ZNF799: variants seen among roughly 807,000 people sequenced by gnomAD.
The protein encoded by ZNF799 is zinc finger protein 799.
Under a neutral mutation model 41.0 loss-of-function variants are expected in ZNF799, and 28 were observed. The ratio of observed to expected loss-of-function variants is 0.68; its 90% CI spans 0.51 to 0.94. The LOEUF is 0.94. Among genes scored for constraint, ZNF799 ranks in the 40% least tolerant of loss-of-function variants. ZNF799 has a pLI of 0.00. For synonymous variants in ZNF799, 213 were observed against 252.9 expected, an observed-to-expected ratio of 0.84 and a Z score of 1.50; for missense variants, 716 against 764.3, an observed-to-expected ratio of 0.94 and a Z score of 0.74.
At chr19:12,393,689 C>A in intron 1 of ZNF799, 1 of 1,297,988 alleles carries the variant, frequency 7.7e-7, no homozygotes, top group South Asian at 1.6e-5. Context: ...TAGCCTGGAT[C>A]ACCCCTAATG....
intron 1 of ZNF799, chr19:12,400,356 G>A (rs1477685635): frequency 6.6e-6 from 1 of 152,350 alleles, no homozygotes; most frequent in African/African-American, 2.4e-5. Flanking sequence ...CAGGCTGGAG[G>A]CGAGATTGCA....
rs1169052960 is a variant in ZNF799, at chr19:12,395,434, G to A, written c.4-2011C>T. ...TAGGATTACAGGTGTGAGCCACAGT[G>A]CCCAGCCAAGGCCCTCTCTTCTACT... On this transcript the variant is annotated intron_variant, in intron 1 of 3. Coordinates refer to ENST00000430385, the MANE Select transcript of ZNF799 (RefSeq NM_001080821.3). Among the ~76,000 whole-genome samples the A allele has an allele frequency of 7.9e-5, 12 of 151,560 alleles. No individual in the cohort carries two copies. The South Asian group carries it at 8.4e-4, about 11-fold the overall frequency.
Position 12,399,063 on chromosome 19 carries a change from C to T in ZNF799, c.3+2005G>A, listed in dbSNP as rs548116508. ...TCTTCAAAGTATACAATAACAATCTCTAATCATAGGATGTATTTTAAGGTT... is the reference window on the plus strand; with the variant it reads ...TCTTCAAAGTATACAATAACAATCTTTAATCATAGGATGTATTTTAAGGTT... On this transcript the variant is annotated intron_variant, in intron 1 of 3. Transcript: ENST00000430385. 6.6e-5 allele frequency among the ~76,000 whole-genome samples: 10 copies of T among 152,320 alleles called. No homozygotes were observed. In the South Asian group the frequency reaches 1.9e-3, roughly 28 times the overall value.
chr19:12,397,076 T>C (rs1339346168), intron 1 of ZNF799, among the ~76,000 whole-genome samples: 1 of 152,230 alleles, frequency 6.6e-6, no homozygotes, highest in Non-Finnish European at 1.5e-5. Flanking sequence ...AACAATGTAT[T>C]GGGTGGTTAT....
chr19:12,401,653 G>A (rs1401980894), upstream of ZNF799, among the ~76,000 whole-genome samples: 4 of 129,854 alleles, frequency 3.1e-5, no homozygotes, highest in South Asian at 5.2e-4. Context: ...GGCTCACTGC[G>A]ACCTCCGCCT....
At chr19:12,409,720 T>C in the ZNF799 span, among the ~76,000 whole-genome samples, 1 of 152,162 alleles carries the variant, frequency 6.6e-6, no homozygotes, top group Admixed American at 6.5e-5. Flanking sequence ...TTAGAATTAA[T>C]CTAGAAACCA....
Position 12,390,988 on chromosome 19 carries a change from A to G in ZNF799, c.1410T>C (p.His470=), listed in dbSNP as rs201486273. The change falls in exon 4 of 4, where the codon CAT becomes CAC. Residue 470 remains histidine, a synonymous_variant. Transcript: ENST00000430385. ...TACACTCATATGGCTTCTCTCCAGC[A>G]TGAGTTGTTTTGTGATTTTGAAAGG... is the stretch of plus-strand genomic sequence containing the variant. ...FYSFQNHKTT[H]AGEKPYECKE... is the part of the protein sequence containing the mutation. 2.7e-4 allele frequency: 433 copies of G among 1,614,094 alleles called. 2 individuals are homozygous for G. The highest frequency in any genetic ancestry group is 1.9e-3 in the South Asian group (175 of 91,074).
upstream of ZNF799, chr19:12,401,383 G>C (rs1391834190): frequency 1.5e-6 from 1 of 676,158 alleles, no homozygotes; most frequent in Non-Finnish European, 2.3e-6. Flanking sequence ...AGCCAGATGA[G>C]CAAGTTCCTG....
upstream of ZNF799, among the ~76,000 whole-genome samples, chr19:12,404,326 T>C (rs188137607): frequency 6.6e-6 from 1 of 152,364 alleles, no homozygotes; most frequent in African/African-American, 2.4e-5. Flanking sequence ...TTTCAGTATA[T>C]ATTGAGATAA....
chr19:12,391,787 T>G lies in ZNF799; in HGVS notation c.611A>C (p.Lys204Thr). 1 of 1,614,166 alleles carries G rather than the reference T, an allele frequency of 6.2e-7. No individual in the cohort carries two copies. The highest frequency in any genetic ancestry group is 8.5e-7 in the Non-Finnish European group (1 of 1,180,012). The part of the protein sequence containing the change: ...DGPYKCKLCG[K>T]AFFWPSLLHM... Reference sequence around the variant, plus strand: ...TAATAAACTGGGCCAAAAAAACGCTTTCCCACACAACTTACATTTATAAGG... The same window carrying G: ...TAATAAACTGGGCCAAAAAAACGCTGTCCCACACAACTTACATTTATAAGG... The change falls in exon 4 of 4, where the codon AAA becomes ACA. Residue 204 changes from lysine (K) to threonine (T), a missense_variant. Physicochemically the swap from Lys to Thr is moderately conservative, Grantham distance 78 (BLOSUM62 -1). Around this residue, in one of 2 missense-constraint regions of ZNF799, gnomAD observed 698 missense variants for 713.6 expected, o/e 0.98. Transcript: ENST00000430385.
At chr19:12,409,614 A>G in the ZNF799 span, among the ~76,000 whole-genome samples, 1 of 152,218 alleles carries the variant, frequency 6.6e-6, no homozygotes, top group South Asian at 2.1e-4. Context: ...TCCAAACTAC[A>G]TAACATATTC....
At chr19:12,413,420 C>A in the ZNF799 span, among the ~76,000 whole-genome samples, 1 of 152,090 alleles carries the variant, frequency 6.6e-6, no homozygotes, top group Non-Finnish European at 1.5e-5. Flanking sequence ...ACCAGTAAAC[C>A]TACATAAAAT....
chr19:12,399,817 T>C (rs1969950763), intron 1 of ZNF799, among the ~76,000 whole-genome samples: 1 of 151,914 alleles, frequency 6.6e-6, no homozygotes, highest in Non-Finnish European at 1.5e-5. Context: ...CTAATTTTAT[T>C]ATTATCATTT....
At chr19:12,397,111 A>C (rs1374690552) in intron 1 of ZNF799, among the ~76,000 whole-genome samples, 1 of 152,234 alleles carries the variant, frequency 6.6e-6, no homozygotes, top group Non-Finnish European at 1.5e-5. Flanking sequence ...CAAATGGATG[A>C]CGGTGATGTT....
chr19:12,407,387 C>T, the ZNF799 span, among the ~76,000 whole-genome samples: 1 of 151,242 alleles, frequency 6.6e-6, no homozygotes, highest in Admixed American at 6.6e-5. Context: ...AACTTCAGCC[C>T]AGGAGATGGA....
chr19:12,401,727 A>G (rs1428832069), upstream of ZNF799, among the ~76,000 whole-genome samples: 2 of 151,190 alleles, frequency 1.3e-5, no homozygotes, highest in Admixed American at 6.6e-5. Flanking sequence ...GGTGCGCGCC[A>G]CCACACCCGG....
chr19:12,403,506 G>C (rs1970011617), upstream of ZNF799, among the ~76,000 whole-genome samples: 1 of 150,256 alleles, frequency 6.7e-6, no homozygotes, highest in African/African-American at 2.4e-5. Flanking sequence ...TCTTTAAAAT[G>C]CATTCTTAGG....
intron 1 of ZNF799, among the ~76,000 whole-genome samples, chr19:12,398,478 C>T (rs1457325927): frequency 2.6e-5 from 4 of 152,100 alleles, no homozygotes; most frequent in African/African-American, 7.2e-5. Flanking sequence ...TATTTTATAC[C>T]TCAACAGGAA....
upstream of ZNF799, among the ~76,000 whole-genome samples, chr19:12,401,796 G>A (rs1161454220): frequency 1.4e-4 from 22 of 151,838 alleles, no homozygotes; most frequent in Admixed American, 6.6e-5. Context: ...GGCTGGTCTC[G>A]AACTCCTGAC....
Sources: gnomAD v4.1 joint callset for allele counts (sites outside exome capture counted in the v4.1 genomes callset) on GRCh38, gnomAD v4.1.1 for gene constraint, gnomAD v4.1.1 regional missense constraint, MANE v1.5 for transcripts, NCBI Gene and HGNC (gene_info 2026-07-23, HGNC 2026-07-21) for gene names.